RAB3IP: variants seen among roughly 807,000 people sequenced by gnomAD.
RAB3IP encodes RAB3A interacting protein.
RAB3IP carries 36 observed loss-of-function variants against 59.1 expected under a neutral mutation model. The observed-to-expected ratio is 0.61, with a 90% CI of 0.47 to 0.80. RAB3IP has a LOEUF of 0.80. Among genes scored for constraint, RAB3IP ranks in the 30% least tolerant of loss-of-function variants. The pLI is 0.00. For synonymous variants in RAB3IP, 207 were observed against 191.2 expected (o/e 1.08, Z -0.68); for missense variants, 511 against 536.0 (o/e 0.95, Z 0.46).
Position 69,801,620 on chromosome 12 carries a change from T to C in RAB3IP, c.1029T>C (p.Ala343=). ...LTFSKSELAS[A]VLEAVENNTL... Reference sequence around the variant, plus strand: ...TCTTTTTTTTTAAGTTGGCTTCAGCTGTTCTGGAGGCTGTGGAAAACAATA... The same window carrying C: ...TCTTTTTTTTTAAGTTGGCTTCAGCCGTTCTGGAGGCTGTGGAAAACAATA... The change falls in exon 8 of 11, where the codon GCT becomes GCC. Residue 343 remains alanine, a synonymous_variant. Transcript: ENST00000247833. 2 of 1,608,242 alleles carry C rather than the reference T, an allele frequency of 1.2e-6. No individual in the cohort carries two copies. Among genetic ancestry groups the C allele is most frequent in the Non-Finnish European group, 1.7e-6 (2 of 1,176,830 alleles).
At chr12:69,806,570 GTTTTTTTTT>G (rs35262716) in intron 8 of RAB3IP, among the ~76,000 whole-genome samples, 1 of 68,488 alleles carries the variant, frequency 1.5e-5, no homozygotes, top group African/African-American at 6.4e-5. Context: ...TGCTTCTCTA[GTTTTTTTTT>G]TTTTTTTTTT....
At chr12:69,798,008 G>A (rs1877787726) in intron 6 of RAB3IP, among the ~76,000 whole-genome samples, 3 of 152,272 alleles carry the variant, frequency 2.0e-5, no homozygotes, top group African/African-American at 7.2e-5. Flanking sequence ...CTTTATAGCA[G>A]CATGATTTAT....
chr12:69,759,720 G>A (rs962769911), intron 3 of RAB3IP, among the ~76,000 whole-genome samples: 21 of 149,042 alleles, frequency 1.4e-4, no homozygotes, highest in Admixed American at 2.6e-4. Context: ...CCTCCCTCCC[G>A]GACGGGGCGG....
chr12:69,811,916 C>G (rs1044480785), intron 8 of RAB3IP: 4 of 152,112 alleles, frequency 2.6e-5, no homozygotes, highest in African/African-American at 9.7e-5. Flanking sequence ...CTGTTTGCCA[C>G]TTACTTAGAG....
rs1376182719 is a variant in RAB3IP at position 69,818,407 on chromosome 12, C to CCACT, written c.*2962_*2965dup. 1.3e-5 allele frequency: 2 copies of CCACT among 151,592 alleles called. No individual in the cohort carries two copies. Among genetic ancestry groups the CCACT allele is most frequent in the Non-Finnish European group, 2.9e-5 (2 of 67,972 alleles). 9.4% of individuals were successfully genotyped at this position (151,592 alleles called of 1,614,324 possible). ...GAGGCTGCAGTGAATCATGATTGTG[C>CCACT]CACTGCACTCTTACCTTGGGTGACA... On this transcript the variant is annotated 3_prime_UTR_variant, in exon 11 of 11. Transcript: ENST00000247833.
intron 8 of RAB3IP, among the ~76,000 whole-genome samples, chr12:69,809,690 A>G (rs924034692): frequency 6.6e-6 from 1 of 151,996 alleles, no homozygotes; most frequent in Non-Finnish European, 1.5e-5. Context: ...AGTTGATTGC[A>G]TCGGTTACTG....
chr12:69,797,313 T>C (rs914869502), intron 6 of RAB3IP, among the ~76,000 whole-genome samples: 1 of 152,178 alleles, frequency 6.6e-6, no homozygotes, highest in African/African-American at 2.4e-5. Context: ...AATCATAATA[T>C]CTGTCTTGCA....
rs1029975155 is a variant in RAB3IP, at chr12:69,755,530, A to G, written c.122A>G (p.Tyr41Cys). The G allele has an allele frequency of 2.5e-6, 4 of 1,613,930 alleles. No individual in the cohort carries two copies. Among genetic ancestry groups the G allele is most frequent in the Middle Eastern group, 1.6e-4 (1 of 6,084 alleles). ...QEQTTSPSVI[Y>C]RPHPSALSSV... ...CAGACTACCTCACCAAGTGTCATCT[A>G]CCGGCCACACCCTTCAGCTTTATCC... The change falls in exon 2 of 11, where the codon TAC (tyrosine) becomes TGC (cysteine). Residue 41 changes from tyrosine to cysteine, a missense_variant. Physicochemically the swap from Tyr to Cys is radical, Grantham distance 194. Transcript: ENST00000247833.
chr12:69,771,898 T>G (rs1873182168), intron 3 of RAB3IP, among the ~76,000 whole-genome samples: 1 of 152,224 alleles, frequency 6.6e-6, no homozygotes, highest in South Asian at 2.1e-4. Flanking sequence ...TTATTAATGA[T>G]GCTGAGCATT....
intron 8 of RAB3IP, among the ~76,000 whole-genome samples, chr12:69,806,443 A>T (rs1256392788): frequency 6.6e-6 from 1 of 151,504 alleles, no homozygotes; most frequent in African/African-American, 2.4e-5. Flanking sequence ...TTTTCAAAAA[A>T]CCAGCTCCTG....
At chr12:69,753,610 A>T (rs544843153) in intron 1 of RAB3IP, among the ~76,000 whole-genome samples, 2 of 152,214 alleles carry the variant, frequency 1.3e-5, no homozygotes, top group African/African-American at 4.8e-5. Context: ...CGGCCTCCCA[A>T]AGTGCTGGGA....
chr12:69,755,802 C>A, intron 2 of RAB3IP, 143 bp downstream of exon 2: 1 of 688,820 alleles, frequency 1.5e-6, no homozygotes. Flanking sequence ...TGATAATGTT[C>A]TAGAACAGGG....
chr12:69,785,863 G>A (rs1261913811), intron 4 of RAB3IP, among the ~76,000 whole-genome samples: 1 of 152,180 alleles, frequency 6.6e-6, no homozygotes, highest in African/African-American at 2.4e-5. Context: ...ACAGCATACA[G>A]ATACCCCTGG....
chr12:69,770,437 G>T (rs1872920849), intron 3 of RAB3IP, among the ~76,000 whole-genome samples: 1 of 152,044 alleles, frequency 6.6e-6, no homozygotes, highest in African/African-American at 2.4e-5. Flanking sequence ...GTAAATAGTT[G>T]TTATACTGTA....
chr12:69,761,486 C>T (rs930082481), intron 3 of RAB3IP, among the ~76,000 whole-genome samples: 1 of 152,080 alleles, frequency 6.6e-6, no homozygotes, highest in Admixed American at 6.5e-5. Context: ...AATCTAATCC[C>T]TGTTCCTCTA....
rs377591040 is a variant in RAB3IP, at chr12:69,795,279, A to G, written c.823A>G (p.Ser275Gly). ...KGHTRNKSTS[S>G]AMSGSHQDLS... The stretch of plus-strand genomic sequence containing the variant: ...GCATACAAGAAATAAAAGCACAAGC[A>G]GTGCTATGAGTGGCAGTCATCAGGA... Residue 275 changes from serine (S) to glycine (G), a missense_variant, in exon 6 of 11, where the codon AGT becomes GGT. Coordinates refer to ENST00000247833, the MANE Select transcript of RAB3IP (RefSeq NM_022456.5). The G allele has an allele frequency of 1.2e-6, 2 of 1,614,102 alleles. No individual in the cohort carries two copies. Among genetic ancestry groups the G allele is most frequent in the Non-Finnish European group, 1.7e-6 (2 of 1,179,960 alleles).
chr12:69,760,246 G>A (rs900566963), intron 3 of RAB3IP, among the ~76,000 whole-genome samples: 3 of 152,274 alleles, frequency 2.0e-5, no homozygotes, highest in Non-Finnish European at 4.4e-5. Context: ...CAGGCGTGGC[G>A]GCGTGCGCCT....
In RAB3IP at chr12:69,767,858, C is replaced by A. The variant is rs1050091652; in HGVS notation, c.510+11195C>A. Among the ~76,000 whole-genome samples, 4 of 152,146 alleles carry A rather than the reference C, an allele frequency of 2.6e-5. No homozygotes were observed. The East Asian group carries it at 7.8e-4, about 30-fold the overall frequency. ...GACTGCTGATTCAGGTGAGTGGGAT[C>A]TCTGAATGCCTGGAGATCTGCCTCA... On this transcript the variant is annotated intron_variant, in intron 3 of 10. Transcript: ENST00000247833.
chr12:69,764,985 G>A (rs962184237), intron 3 of RAB3IP, among the ~76,000 whole-genome samples: 2 of 152,144 alleles, frequency 1.3e-5, no homozygotes, highest in Non-Finnish European at 1.5e-5. Flanking sequence ...TTTGTACATT[G>A]ACTTTGTATC....
Sources: gnomAD v4.1 joint callset for allele counts (sites outside exome capture counted in the v4.1 genomes callset) on GRCh38, gnomAD v4.1.1 for gene constraint, MANE v1.5 for transcripts, NCBI Gene and HGNC (gene_info 2026-07-23, HGNC 2026-07-21) for gene names.